The following CALN1 variants were observed in gnomAD, a reference collection of about 807,000 sequenced individuals.
The protein encoded by CALN1 is calcium-binding protein 8.
A neutral mutation model predicts 30.6 loss-of-function variants in CALN1; 17 were observed. The ratio of observed to expected loss-of-function variants is 0.56; its 90% CI spans 0.38 to 0.83. The LOEUF (loss-of-function observed/expected upper bound fraction) is 0.83. Ranked by LOEUF, CALN1 falls within the 40% of genes least tolerant of loss-of-function variation. The probability of loss-of-function intolerance (pLI) is 0.00; values close to 1 mark genes in which losing one functional copy is unlikely to be tolerated. For synonymous variants in CALN1, 156 were observed against 131.4 expected, an observed-to-expected ratio of 1.19 and a Z score of -1.28; for missense variants, 291 against 354.9, an observed-to-expected ratio of 0.82 and a Z score of 1.45.
At chr7:72,410,757 G>T (rs942609200) in intron 1 of CALN1, among the ~76,000 whole-genome samples, 1 of 152,100 alleles carries the variant, frequency 6.6e-6, no homozygotes, top group African/African-American at 2.4e-5. Flanking sequence ...TATATTTCCT[G>T]AACATAAATA....
intron 3 of CALN1, among the ~76,000 whole-genome samples, chr7:72,205,681 T>C (rs950487159): frequency 1.4e-4 from 21 of 149,924 alleles, no homozygotes; most frequent in African/African-American, 5.1e-4. Flanking sequence ...CTTTAAGTTT[T>C]GTAACATCAA....
chr7:72,037,133 C>T (rs1031979714), intron 4 of CALN1, among the ~76,000 whole-genome samples: 1 of 148,104 alleles, frequency 6.8e-6, no homozygotes, highest in South Asian at 2.2e-4. Flanking sequence ...GCCACCCTGC[C>T]TAGCCTTAAA....
chr7:71,992,150 C>T (rs1798987599), intron 5 of CALN1, among the ~76,000 whole-genome samples: 1 of 152,130 alleles, frequency 6.6e-6, no homozygotes, highest in African/African-American at 2.4e-5. Context: ...AACACAAAGA[C>T]ATTATGACTA....
intron 3 of CALN1, among the ~76,000 whole-genome samples, chr7:72,140,769 C>T (rs755909428): frequency 6.6e-6 from 1 of 152,200 alleles, no homozygotes; most frequent in Non-Finnish European, 1.5e-5. Context: ...AGACAACCTC[C>T]TATCGGAGCT....
chr7:72,364,128 G>A (rs1171283935), intron 2 of CALN1, among the ~76,000 whole-genome samples: 1 of 151,612 alleles, frequency 6.6e-6, no homozygotes, highest in Non-Finnish European at 1.5e-5. Flanking sequence ...GACACGAAAA[G>A]ACACTTGAAC....
chr7:71,780,911 C>T lies in CALN1; in HGVS notation c.*6864G>A, dbSNP rs563546878. The T allele has an allele frequency of 6.6e-6, 1 of 152,310 alleles. No homozygotes were observed. Among genetic ancestry groups the T allele is most frequent in the East Asian group, 1.9e-4 (1 of 5,180 alleles). The allele number at this position is 152,310 out of a possible 1,614,324, so 9.4% of individuals were successfully genotyped here. ...TTGCCAAGACAGACAGAAAGCTCATCTTTGATGCTCCCTCGAGTCAGCAAG... is the reference window on the plus strand; with the variant it reads ...TTGCCAAGACAGACAGAAAGCTCATTTTTGATGCTCCCTCGAGTCAGCAAG... On this transcript the variant is annotated 3_prime_UTR_variant, in exon 7 of 7. Transcript: ENST00000395275.
intron 1 of CALN1, among the ~76,000 whole-genome samples, chr7:72,411,524 G>C (rs141342383): frequency 6.6e-6 from 1 of 152,222 alleles, no homozygotes. Flanking sequence ...AAATATGGAC[G>C]TATCAGTTGT....
At chr7:72,004,798 C>T (rs1394438884) in intron 5 of CALN1, among the ~76,000 whole-genome samples, 1 of 151,856 alleles carries the variant, frequency 6.6e-6, no homozygotes, top group African/African-American at 2.4e-5. Context: ...AACTCAAGAG[C>T]AAAACAAAAC....
At chr7:72,282,512 C>A (rs1475427978) in intron 2 of CALN1, among the ~76,000 whole-genome samples, 1 of 152,070 alleles carries the variant, frequency 6.6e-6, no homozygotes, top group Non-Finnish European at 1.5e-5. Flanking sequence ...GGGATTAATA[C>A]CCTTATAAAA....
chr7:72,342,381 G>GT (rs1010966162), intron 2 of CALN1, among the ~76,000 whole-genome samples: 4 of 152,136 alleles, frequency 2.6e-5, no homozygotes, highest in African/African-American at 7.2e-5. Context: ...GTGGTTGCAG[G>GT]TTTACAGGCC....
intron 5 of CALN1, among the ~76,000 whole-genome samples, chr7:71,828,233 A>G (rs1446223195): frequency 2.0e-5 from 3 of 152,122 alleles, no homozygotes; most frequent in Non-Finnish European, 2.9e-5. Context: ...CACCAGCTTG[A>G]TCTGACCCGC....
At chr7:72,109,055 C>T (rs897861514) in intron 3 of CALN1, among the ~76,000 whole-genome samples, 3 of 152,122 alleles carry the variant, frequency 2.0e-5, no homozygotes, top group Non-Finnish European at 4.4e-5. Context: ...TAAGCACCTC[C>T]TACCCTTCTT....
chr7:72,076,611 C>CAAAAAAAAAAAA (rs572245834), intron 4 of CALN1, among the ~76,000 whole-genome samples: 252 of 6,126 alleles, frequency 0.041, 121 homozygotes, highest in Non-Finnish European at 0.057. Flanking sequence ...AAAAAAAAAG[C>CAAAAAAAAAAAA]AAAAAAAAAA....
chr7:72,297,618 C>A lies in CALN1; in HGVS notation c.120-18808G>T, dbSNP rs772412962. 9.9e-5 allele frequency among the ~76,000 whole-genome samples: 15 copies of A among 152,234 alleles called. No individual in the cohort carries two copies. In the South Asian group the frequency reaches 1.0e-3, roughly 11 times the overall value. ...AACCTTGACATAACACTTTGTTATA[C>A]AGTAATTTGAAGATTTGGTTTTGGG... On this transcript the variant is annotated intron_variant, in intron 2 of 6. Transcript: ENST00000395275.
chr7:71,817,021 G>T (rs1185747225), intron 5 of CALN1, among the ~76,000 whole-genome samples: 1 of 152,060 alleles, frequency 6.6e-6, no homozygotes, highest in African/African-American at 2.4e-5. Flanking sequence ...TAGTATTAGG[G>T]TATATATTTA....
At chr7:72,210,596 G>C (rs939602800) in intron 3 of CALN1, among the ~76,000 whole-genome samples, 1 of 151,892 alleles carries the variant, frequency 6.6e-6, no homozygotes, top group African/African-American at 2.4e-5. Context: ...TTCACAAGGA[G>C]GTAGGAAAAA....
intron 3 of CALN1, among the ~76,000 whole-genome samples, chr7:72,152,894 A>G (rs1177284785): frequency 1.3e-5 from 2 of 152,000 alleles, no homozygotes; most frequent in Admixed American, 1.3e-4. Flanking sequence ...AACTCCAAAT[A>G]AGGCACTGTT....
chr7:71,960,721 C>CT (rs1797207617), intron 5 of CALN1, among the ~76,000 whole-genome samples: 1 of 152,108 alleles, frequency 6.6e-6, no homozygotes, highest in South Asian at 2.1e-4. Context: ...AATTTTAGAT[C>CT]TTTTTTAATA....
intron 4 of CALN1, among the ~76,000 whole-genome samples, chr7:72,082,318 T>C (rs1805201489): frequency 1.3e-5 from 2 of 152,000 alleles, no homozygotes; most frequent in Admixed American, 1.3e-4. Context: ...TGTGACAGAG[T>C]CACATTCCAA....
Sources: allele counts gnomAD v4.1 joint callset (sites outside exome capture counted in the v4.1 genomes callset), GRCh38; gene constraint gnomAD v4.1.1; transcripts MANE v1.5; gene names NCBI Gene and HGNC (gene_info 2026-07-23, HGNC 2026-07-21).